Variants in PTRH1 observed in about 807,000 individuals in gnomAD.
PTRH1 encodes the protein peptidyl-tRNA hydrolase 1 homolog, also known as peptidyl-tRNA hydrolase.
In PTRH1, 13 loss-of-function variants were observed where a neutral mutation model predicts 15.7. That is an observed-to-expected ratio of 0.83 (90% CI 0.54 to 1.31). The LOEUF is 1.31. Among genes scored for constraint, PTRH1 ranks in the 40% most tolerant of loss-of-function variants. The pLI is 0.00. For synonymous variants in PTRH1, 139 were observed against 136.7 expected, an observed-to-expected ratio of 1.02 and a Z score of -0.12; for missense variants, 319 against 296.2, an observed-to-expected ratio of 1.08 and a Z score of -0.56.
downstream of PTRH1, chr9:127,711,421 C>T: frequency 1.2e-6 from 2 of 1,614,146 alleles, no homozygotes; most frequent in East Asian, 2.2e-5. Context: ...GAAGACAGAA[C>T]AATCTGTGCA....
chr9:127,704,108 G>A lies in PTRH1; in HGVS notation c.206-8967C>T, dbSNP rs573957776. ...TAAAACTTCCACGACACAGAGCTGGGGGGTTAGGGGGAGAAATGGTGTTTT... is the reference window on the plus strand; with the variant it reads ...TAAAACTTCCACGACACAGAGCTGGAGGGTTAGGGGGAGAAATGGTGTTTT... On this transcript the variant is annotated intron_variant, in intron 1 of 2. Transcript: ENST00000335223. Among the ~76,000 whole-genome samples, 3 of 152,300 alleles carry A rather than the reference G, an allele frequency of 2.0e-5. No homozygotes were observed. The East Asian group carries it at 5.8e-4, about 29-fold the overall frequency.
At chr9:127,706,657 G>T (rs1008817534) in intron 1 of PTRH1, among the ~76,000 whole-genome samples, 1 of 152,228 alleles carries the variant, frequency 6.6e-6, no homozygotes, top group Non-Finnish European at 1.5e-5. Context: ...AACAGGCTTT[G>T]TGTGCCCAGG....
At position 127,715,072 on chromosome 9, in the gene PTRH1, G is replaced by A; in HGVS notation, c.219C>T (p.Ala73=). Reference sequence around the variant, plus strand: ...CCAGCGGGGCCAGGGCGAGGTCGGCGGCACAGTGCCGGTCGCGCGTCCAAC... The same window carrying A: ...CCAGCGGGGCCAGGGCGAGGTCGGCAGCACAGTGCCGGTCGCGCGTCCAAC... ...AESWTRDRHC[A]ADLALAPLGD... Residue 73 remains alanine (A), a synonymous_variant, in exon 2 of 5, where the codon GCC becomes GCT. Transcript: ENST00000543175. The surrounding 1 kb of genome is among the most constrained non-coding windows in gnomAD (Gnocchi z 5.8). The A allele has an allele frequency of 1.3e-6, 2 of 1,528,942 alleles. No homozygotes were observed. Among genetic ancestry groups the A allele is most frequent in the South Asian group, 1.2e-5 (1 of 83,472 alleles). 94.7% of individuals were successfully genotyped at this position (1,528,942 alleles called of 1,614,324 possible).
intron 1 of PTRH1, among the ~76,000 whole-genome samples, chr9:127,698,126 G>C (rs558962406): frequency 6.2e-4 from 94 of 152,288 alleles, no homozygotes; most frequent in Non-Finnish European, 1.0e-3. Context: ...GAAGTTTGGT[G>C]GCGTGTGCCT....
At chr9:127,695,216 G>C in intron 1 of PTRH1, 1 of 629,284 alleles carries the variant, frequency 1.6e-6, no homozygotes, top group South Asian at 1.8e-5. Context: ...CAGATAAACT[G>C]TGTATTCACC....
chr9:127,713,165 A>G (rs1265850713), downstream of PTRH1: 2 of 1,594,740 alleles, frequency 1.3e-6, no homozygotes, highest in Admixed American at 1.7e-5. Context: ...GCTGTCATAT[A>G]TCACCCGTGT....
intron 1 of PTRH1, among the ~76,000 whole-genome samples, chr9:127,699,016 T>G (rs1013639057): frequency 1.3e-5 from 2 of 151,682 alleles, no homozygotes; most frequent in Non-Finnish European, 2.9e-5. Context: ...TCCTCCCTCC[T>G]TAGCCTCTGG....
downstream of PTRH1, chr9:127,711,632 G>T: frequency 1.6e-6 from 2 of 1,214,772 alleles, no homozygotes; most frequent in Non-Finnish European, 2.3e-6. Flanking sequence ...GGCCTCCTGT[G>T]GGGGCTGCAG....
chr9:127,695,053 T>TTGATGATGATGATGATGATGATGATGA, exon 2 of PTRH1: 1 of 660,094 alleles, frequency 1.5e-6, no homozygotes, highest in Admixed American at 2.1e-5. Context: ...GGCTCAGCCA[T>TTGATGATGATGATGATGATGATGATGA]TGATGATGAT....
At chr9:127,697,682 G>T (rs550928934) in intron 1 of PTRH1, among the ~76,000 whole-genome samples, 2 of 152,226 alleles carry the variant, frequency 1.3e-5, no homozygotes, top group East Asian at 3.9e-4. Context: ...AAAAACAGCA[G>T]CTGTTGACCT....
chr9:127,713,517 T>C, downstream of PTRH1: 1 of 285,808 alleles, frequency 3.5e-6, no homozygotes. Context: ...TTTTTTTTTT[T>C]TTTTTTTGAG....
chr9:127,712,487 C>T, downstream of PTRH1: 1 of 1,455,768 alleles, frequency 6.9e-7, no homozygotes, highest in Admixed American at 2.3e-5. Context: ...CTGTCCTTCG[C>T]TGATTCTGGC....
intron 1 of PTRH1, among the ~76,000 whole-genome samples, chr9:127,707,920 C>T (rs1350216909): frequency 1.3e-5 from 2 of 152,210 alleles, no homozygotes; most frequent in Non-Finnish European, 2.9e-5. Context: ...CTGAGTCCCT[C>T]GTGGTGCCAG....
In PTRH1 at chr9:127,699,716, GA is replaced by G. The variant is rs34867721; in HGVS notation, c.206-4576del. On this transcript the variant is annotated intron_variant, in intron 1 of 2. Coordinates refer to the PTRH1 transcript ENST00000335223. Reference sequence around the variant, plus strand: ...AGCAAAATAAAATGGGCTATCAGGGGAAAAAAAAAACAAAAAAACTGGTTCT... The same window carrying G: ...AGCAAAATAAAATGGGCTATCAGGGGAAAAAAAAACAAAAAAACTGGTTCT... 2.0e-4 allele frequency among the ~76,000 whole-genome samples: 29 copies of G among 146,670 alleles called. No homozygotes were observed. The South Asian group carries it at 2.2e-3, about 11-fold the overall frequency.
chr9:127,710,781 C>T (rs1328980852), downstream of PTRH1: 7 of 1,552,352 alleles, frequency 4.5e-6, no homozygotes, highest in African/African-American at 6.8e-5. Flanking sequence ...CCCTTTGGGG[C>T]CTTTGGAGGC....
At chr9:127,712,121 TGGCAGGGCCCCTGGCCCCA>T, downstream of PTRH1, 1 of 1,564,696 alleles carries the variant, frequency 6.4e-7, no homozygotes, top group Non-Finnish European at 8.7e-7. Context: ...TGGAGAGAAA[TGGCAGGGCCCCTGGCCCCA>T]GGTGGCCCCA....
At chr9:127,713,128 C>G, downstream of PTRH1, 1 of 1,611,562 alleles carries the variant, frequency 6.2e-7, no homozygotes, top group Non-Finnish European at 8.5e-7. Flanking sequence ...AGGTCCACAT[C>G]CCACCCAACC....
chr9:127,706,982 G>A, intron 1 of PTRH1: 1 of 1,599,992 alleles, frequency 6.3e-7, no homozygotes, highest in Non-Finnish European at 8.5e-7. Context: ...AGCTTCCTTA[G>A]CAACCACCTG....
rs757166045 is a variant in PTRH1 at position 127,715,597 on chromosome 9, T to C, written c.43A>G (p.Arg15Gly). 2 of 1,612,980 alleles carry C rather than the reference T, an allele frequency of 1.2e-6. 1 individual carries two copies. Among genetic ancestry groups the C allele is most frequent in the South Asian group, 2.2e-5 (2 of 90,980 alleles). The change falls in exon 1 of 5, where the codon AGA (arginine) becomes GGA (glycine). Residue 15 changes from arginine (R) to glycine (G), a missense_variant. Transcript: ENST00000543175. This position sits in a 1 kb window ranked among gnomAD's most constrained non-coding sequence, Gnocchi z 5.8. ...TCCAAAACACATCGGCTCATGGCTCTACTCAGCCGCTGTCCGGCGCCCAAA... is the reference window on the plus strand; with the variant it reads ...TCCAAAACACATCGGCTCATGGCTCCACTCAGCCGCTGTCCGGCGCCCAAA... ...GFLGAGQRLSRAMSRCVLEPR... is the reference protein window; with the variant it reads ...GFLGAGQRLSGAMSRCVLEPR...
Sources: gnomAD v4.1 joint callset for allele counts (sites outside exome capture counted in the v4.1 genomes callset) on GRCh38, gnomAD v4.1.1 for gene constraint, Gnocchi (gnomAD v3.1) non-coding constraint, MANE v1.5 for transcripts, NCBI Gene and HGNC (gene_info 2026-07-23, HGNC 2026-07-21) for gene names.